GRIN2B: variants seen among roughly 807,000 people sequenced by gnomAD.
GRIN2B encodes the protein glutamate receptor ionotropic, NMDA 2B.
In GRIN2B, 5 loss-of-function variants were observed where a neutral mutation model predicts 114.5. The observed-to-expected ratio is 0.04, with a 90% confidence interval of 0.02 to 0.09. The LOEUF (loss-of-function observed/expected upper bound fraction) is 0.09, where lower values mean the gene tolerates loss of function less well. Among genes scored for constraint, GRIN2B ranks in the 10% least tolerant of loss-of-function variants. The pLI, the probability that GRIN2B is intolerant of heterozygous loss-of-function variation, is 1.00. For synonymous variants in GRIN2B, 787 were observed against 745.1 expected (o/e 1.06, Z -0.92); for missense variants, 1,108 against 1,943.5 (o/e 0.57, Z 8.08).
intron 5 of GRIN2B, among the ~76,000 whole-genome samples, chr12:13,620,856 TA>T (rs1949503600): frequency 7.0e-6 from 1 of 143,174 alleles, no homozygotes; most frequent in Admixed American, 7.4e-5. Flanking sequence ...GAGCTTGCCT[TA>T]AAGTCGTTAT....
At chr12:13,650,486 G>C (rs1356864752) in intron 5 of GRIN2B, among the ~76,000 whole-genome samples, 1 of 152,040 alleles carries the variant, frequency 6.6e-6, no homozygotes, top group Admixed American at 6.6e-5. Flanking sequence ...CCCTTTACAT[G>C]TGTGTTGATT....
At chr12:13,709,732 G>A (rs1009866136) in intron 4 of GRIN2B, among the ~76,000 whole-genome samples, 1 of 152,070 alleles carries the variant, frequency 6.6e-6, no homozygotes, top group African/African-American at 2.4e-5. Flanking sequence ...GTCCCGGCAG[G>A]TATTATTTCT....
chr12:13,981,079 C>T (rs1229732312), intron 1 of GRIN2B, among the ~76,000 whole-genome samples: 1 of 152,112 alleles, frequency 6.6e-6, no homozygotes, highest in Non-Finnish European at 1.5e-5. Context: ...GCGCCGCTGC[C>T]CTGCCCCTCT....
intron 3 of GRIN2B, among the ~76,000 whole-genome samples, chr12:13,835,530 C>G (rs1865244498): frequency 6.6e-6 from 1 of 151,966 alleles, no homozygotes; most frequent in Non-Finnish European, 1.5e-5. Context: ...AAACAGGCAT[C>G]AGGAGAAAAC....
At chr12:13,939,955 G>GT (rs1867209361) in intron 2 of GRIN2B, among the ~76,000 whole-genome samples, 1 of 152,054 alleles carries the variant, frequency 6.6e-6, no homozygotes, top group Non-Finnish European at 1.5e-5. Flanking sequence ...CATTAGGTAC[G>GT]GCATCAAGGC....
upstream of GRIN2B, chr12:13,982,103 A>C (rs1158333093): frequency 1.5e-5 from 2 of 137,084 alleles, no homozygotes; most frequent in African/African-American, 2.7e-5. Flanking sequence ...TTCCCACGTC[A>C]TGTGCTGGGG....
In GRIN2B at chr12:13,684,494, C is replaced by T. The variant is rs191269107; in HGVS notation, c.1011-8635G>A. 1.2e-3 allele frequency among the ~76,000 whole-genome samples: 183 copies of T among 152,258 alleles called. 2 individuals carry two copies. Among genetic ancestry groups the T allele is most frequent in the African/African-American group, 3.8e-3 (158 of 41,542 alleles). Reference sequence around the variant, plus strand: ...AAATTCCTCTTTGTGCTCATGCTCACGACTCTTAGTCACCTCTACTATAGG... The same window carrying T: ...AAATTCCTCTTTGTGCTCATGCTCATGACTCTTAGTCACCTCTACTATAGG... On this transcript the variant is annotated intron_variant, in intron 4 of 13. Coordinates refer to ENST00000609686, the MANE Select transcript of GRIN2B (RefSeq NM_000834.5).
chr12:13,776,257 A>T (rs1863999886), intron 3 of GRIN2B, among the ~76,000 whole-genome samples: 1 of 152,088 alleles, frequency 6.6e-6, no homozygotes, highest in South Asian at 2.1e-4. Flanking sequence ...GGGAAATAAC[A>T]CACACTGGGG....
intron 10 of GRIN2B, among the ~76,000 whole-genome samples, chr12:13,578,847 C>T (rs1019159307): frequency 1.1e-5 from 1 of 94,296 alleles, no homozygotes; most frequent in Non-Finnish European, 3.0e-5. Flanking sequence ...GCATCTGAAC[C>T]GAGACCTGAA....
chr12:13,567,821 A>C (rs1948660640), intron 12 of GRIN2B, among the ~76,000 whole-genome samples: 1 of 152,152 alleles, frequency 6.6e-6, no homozygotes, highest in South Asian at 2.1e-4. Context: ...TATAGTAGGC[A>C]AAAGAAGCTG....
intron 4 of GRIN2B, among the ~76,000 whole-genome samples, chr12:13,699,582 G>GA (rs1020509659): frequency 2.6e-5 from 4 of 151,186 alleles, no homozygotes; most frequent in South Asian, 2.1e-4. Context: ...TACCTGAAAG[G>GA]AAAAAAAATA....
At chr12:13,865,225 G>C (rs981788834) in intron 3 of GRIN2B, among the ~76,000 whole-genome samples, 1 of 152,160 alleles carries the variant, frequency 6.6e-6, no homozygotes, top group Non-Finnish European at 1.5e-5. Context: ...AGCTACAAGC[G>C]TCAACATCCC....
At chr12:13,589,015 C>T (rs779276710) in intron 10 of GRIN2B, among the ~76,000 whole-genome samples, 1 of 152,184 alleles carries the variant, frequency 6.6e-6, no homozygotes, top group Non-Finnish European at 1.5e-5. Context: ...TTCAGCATAT[C>T]TCCAACGTCT....
chr12:13,911,976 C>T (rs1392763312), intron 2 of GRIN2B, among the ~76,000 whole-genome samples: 1 of 152,196 alleles, frequency 6.6e-6, no homozygotes, highest in Non-Finnish European at 1.5e-5. Flanking sequence ...AAAGCAGCCA[C>T]ACTCGGGGCC....
chr12:13,727,056 G>A (rs948080587), intron 4 of GRIN2B, among the ~76,000 whole-genome samples: 32 of 152,258 alleles, frequency 2.1e-4, no homozygotes, highest in African/African-American at 7.0e-4. Flanking sequence ...TAATCAAGTT[G>A]TGTAAGAAAT....
intron 5 of GRIN2B, among the ~76,000 whole-genome samples, chr12:13,651,512 C>T (rs1949812823): frequency 6.6e-6 from 1 of 152,030 alleles, no homozygotes; most frequent in African/African-American, 2.4e-5. Flanking sequence ...AATGGTGGCT[C>T]AATGAATATT....
chr12:13,865,758 C>T (rs2136746806), intron 3 of GRIN2B, 40 bp downstream of exon 3: 1 of 1,512,174 alleles, frequency 6.6e-7, no homozygotes. Context: ...TAGTCCTCAG[C>T]ACAAACCCTC....
intron 5 of GRIN2B, among the ~76,000 whole-genome samples, chr12:13,667,505 C>A (rs1949989002): frequency 6.6e-6 from 1 of 152,144 alleles, no homozygotes; most frequent in South Asian, 2.1e-4. Flanking sequence ...AGTTAGACCA[C>A]CAACTCTGAA....
At chr12:13,786,867 G>C (rs1169237825) in intron 3 of GRIN2B, among the ~76,000 whole-genome samples, 12 of 151,958 alleles carry the variant, frequency 7.9e-5, no homozygotes, top group Non-Finnish European at 7.4e-5. Flanking sequence ...GGCTGGGAGG[G>C]AGCAGGTAAA....
Sources: allele counts gnomAD v4.1 joint callset (sites outside exome capture counted in the v4.1 genomes callset), GRCh38; gene constraint gnomAD v4.1.1; transcripts MANE v1.5; gene names NCBI Gene and HGNC (gene_info 2026-07-23, HGNC 2026-07-21).